Variants in SOX5 observed in about 807,000 individuals in gnomAD.
The protein encoded by SOX5 is transcription factor SOX-5.
A neutral mutation model predicts 92.0 loss-of-function variants in SOX5; 9 were observed. That is an observed-to-expected ratio of 0.10 (90% CI 0.06 to 0.17). The LOEUF (loss-of-function observed/expected upper bound fraction) is 0.17. Among genes scored for constraint, SOX5 ranks in the 10% least tolerant of loss-of-function variants. The pLI, the probability that SOX5 is intolerant of heterozygous loss-of-function variation, is 1.00. For missense variants in SOX5, 642 were observed against 944.5 expected, an observed-to-expected ratio of 0.68 and a Z score of 4.20; for synonymous variants, 344 against 336.3, an observed-to-expected ratio of 1.02 and a Z score of -0.25.
chr12:23,983,537 T>C (rs1025908075), intron 4 of SOX5, among the ~76,000 whole-genome samples: 1 of 152,190 alleles, frequency 6.6e-6, no homozygotes, highest in Non-Finnish European at 1.5e-5. Context: ...GTGGTTGGGC[T>C]AGATGAGCTG....
intron 4 of SOX5, among the ~76,000 whole-genome samples, chr12:24,186,197 C>T (rs1263971391): frequency 6.6e-6 from 1 of 152,056 alleles, no homozygotes. Context: ...AAAAACAACA[C>T]TGGAAGGACA....
intron 6 of SOX5, among the ~76,000 whole-genome samples, chr12:23,703,698 A>G (rs1214398210): frequency 1.3e-5 from 2 of 150,894 alleles, no homozygotes; most frequent in African/African-American, 4.9e-5. Flanking sequence ...CAAGCTACAT[A>G]TCAAAAGCTT....
chr12:24,447,035 A>G (rs1941584528), intron 1 of SOX5, among the ~76,000 whole-genome samples: 1 of 152,224 alleles, frequency 6.6e-6, no homozygotes, highest in African/African-American at 2.4e-5. Flanking sequence ...TAGTGATTGA[A>G]TTGATCATAA....
chr12:23,584,728 T>TGA (rs1175265632), intron 9 of SOX5: 2 of 635,692 alleles, frequency 3.1e-6, no homozygotes, highest in Non-Finnish European at 5.6e-6. Flanking sequence ...AGGACAGGTG[T>TGA]GAGTGTGTGT....
intron 9 of SOX5, chr12:23,584,730 AGTGTGTGTGT>A (rs34653390): frequency 1.8e-6 from 1 of 563,664 alleles, no homozygotes; most frequent in Admixed American, 2.6e-5. Flanking sequence ...GACAGGTGTG[AGTGTGTGTGT>A]GTGTGTGTAT....
chr12:24,304,740 C>A (rs530206103), intron 2 of SOX5, among the ~76,000 whole-genome samples: 2 of 152,290 alleles, frequency 1.3e-5, no homozygotes, highest in East Asian at 3.9e-4. Context: ...TAAACCTGTC[C>A]TCCTGTCAAG....
intron 6 of SOX5, among the ~76,000 whole-genome samples, chr12:23,668,245 C>T (rs2084165684): frequency 2.6e-5 from 4 of 152,148 alleles, no homozygotes; most frequent in Non-Finnish European, 4.4e-5. Flanking sequence ...AACAAAAACA[C>T]ACACAAAACA....
intron 4 of SOX5, among the ~76,000 whole-genome samples, chr12:23,747,970 A>AAC (rs1033078127): frequency 2.6e-4 from 39 of 151,704 alleles, no homozygotes; most frequent in African/African-American, 9.4e-4. Context: ...TTAAAAAAAA[A>AAC]AAAAAACGAA....
At chr12:24,477,861 GCA>G (rs1281589232) in intron 1 of SOX5, among the ~76,000 whole-genome samples, 8 of 151,878 alleles carry the variant, frequency 5.3e-5, no homozygotes, top group African/African-American at 1.9e-4. Context: ...TAATTTACAA[GCA>G]CAGTTTCTTT....
intron 3 of SOX5, among the ~76,000 whole-genome samples, chr12:23,775,181 T>C (rs556348335): frequency 8.5e-5 from 13 of 152,254 alleles, no homozygotes; most frequent in Non-Finnish European, 1.6e-4. Flanking sequence ...CATTGTTTCC[T>C]TTTCCCTATC....
At chr12:24,109,433 TCTAC>T (rs1228689997) in intron 4 of SOX5, among the ~76,000 whole-genome samples, 1 of 152,188 alleles carries the variant, frequency 6.6e-6, no homozygotes, top group Admixed American at 6.5e-5. Flanking sequence ...ATTATGCACT[TCTAC>T]CACTTTCTGC....
chr12:23,665,693 G>A (rs2083681351), intron 6 of SOX5, 129 bp from the exon 7 acceptor site: 1 of 1,055,212 alleles, frequency 9.5e-7, no homozygotes, highest in Non-Finnish European at 1.3e-6. Context: ...AAGCTTGCTG[G>A]GATACTGGGC....
chr12:23,841,435 T>G (rs551306764), intron 3 of SOX5, among the ~76,000 whole-genome samples: 1 of 152,172 alleles, frequency 6.6e-6, no homozygotes, highest in African/African-American at 2.4e-5. Context: ...TCTCATAAAT[T>G]CCAGCATTCA....
intron 8 of SOX5, among the ~76,000 whole-genome samples, chr12:23,620,439 A>G (rs539000965): frequency 1.2e-4 from 19 of 152,192 alleles, no homozygotes; most frequent in African/African-American, 4.6e-4. Flanking sequence ...CAGATTTAAA[A>G]TCGATTACAG....
intron 7 of SOX5, among the ~76,000 whole-genome samples, chr12:23,642,224 G>A (rs2080171347): frequency 6.6e-6 from 1 of 152,116 alleles, no homozygotes; most frequent in Admixed American, 6.6e-5. Flanking sequence ...TCTAAAGAGA[G>A]TCTCCCAGGT....
intron 4 of SOX5, among the ~76,000 whole-genome samples, chr12:24,177,520 A>G (rs1007560423): frequency 1.3e-5 from 2 of 152,128 alleles, no homozygotes; most frequent in African/African-American, 4.8e-5. Flanking sequence ...TATCTCCATA[A>G]TCGTCTCTCT....
At chr12:24,045,079 T>C (rs1272126747) in intron 4 of SOX5, among the ~76,000 whole-genome samples, 1 of 151,944 alleles carries the variant, frequency 6.6e-6, no homozygotes, top group East Asian at 1.9e-4. Context: ...CACTAGGAGG[T>C]TATGGCCATG....
chr12:23,885,839 G>A (rs2097058144), intron 2 of SOX5, among the ~76,000 whole-genome samples: 1 of 33,066 alleles, frequency 3.0e-5, no homozygotes, highest in Non-Finnish European at 5.3e-5. Context: ...AAAATACAGG[G>A]GAAAAAAAAT....
At chr12:24,097,024 C>G (rs1041413512) in intron 4 of SOX5, among the ~76,000 whole-genome samples, 1 of 152,134 alleles carries the variant, frequency 6.6e-6, no homozygotes, top group African/African-American at 2.4e-5. Flanking sequence ...TTCTCCACAT[C>G]CTTACCAATG....
Sources: gnomAD v4.1 joint callset for allele counts (sites outside exome capture counted in the v4.1 genomes callset) on GRCh38, gnomAD v4.1.1 for gene constraint, MANE v1.5 for transcripts, NCBI Gene and HGNC (gene_info 2026-07-23, HGNC 2026-07-21) for gene names.